SAMMSON: variants seen among roughly 807,000 people sequenced by gnomAD.
SAMMSON encodes long intergenic non-protein coding RNA 1212.
intron 4 of SAMMSON, among the ~76,000 whole-genome samples, chr3:70,209,961 C>T (rs930588123): frequency 2.0e-5 from 3 of 152,058 alleles, no homozygotes; most frequent in African/African-American, 4.8e-5. Context: ...TGATAGATAA[C>T]GAGACCTTGA....
chr3:70,276,172 G>A (rs1420230690), intron 6 of SAMMSON, among the ~76,000 whole-genome samples: 1 of 151,938 alleles, frequency 6.6e-6, no homozygotes, highest in Non-Finnish European at 1.5e-5. Flanking sequence ...ATAATGTTAG[G>A]TATATAGCAG....
intron 7 of SAMMSON, among the ~76,000 whole-genome samples, chr3:70,344,443 T>C (rs1035052549): frequency 6.6e-6 from 1 of 151,976 alleles, no homozygotes; most frequent in Non-Finnish European, 1.5e-5. Context: ...TCCCCATCCA[T>C]CCCACTGACA....
chr3:70,129,951 C>T (rs568977326), intron 4 of SAMMSON, among the ~76,000 whole-genome samples: 64 of 152,244 alleles, frequency 4.2e-4, no homozygotes, highest in African/African-American at 1.4e-3. Flanking sequence ...TTACTATACT[C>T]GAGCAAATTA....
At chr3:70,014,305 C>G (rs899321020) in intron 3 of SAMMSON, 1 of 152,130 alleles carries the variant, frequency 6.6e-6, no homozygotes, top group African/African-American at 2.4e-5. Context: ...TCACCTACCC[C>G]CAAGACATGG....
intron 7 of SAMMSON, among the ~76,000 whole-genome samples, chr3:70,347,014 T>A (rs186920145): frequency 5.9e-5 from 9 of 152,238 alleles, no homozygotes; most frequent in African/African-American, 2.2e-4. Flanking sequence ...TGATTACAGA[T>A]CTTAGCAGAA....
At chr3:70,240,683 A>G (rs1036762833) in intron 4 of SAMMSON, among the ~76,000 whole-genome samples, 2 of 152,108 alleles carry the variant, frequency 1.3e-5, no homozygotes, top group African/African-American at 4.8e-5. Context: ...TATAGTACCA[A>G]TCTGGTTTAT....
chr3:70,200,605 C>T (rs1701227701), intron 4 of SAMMSON, among the ~76,000 whole-genome samples: 1 of 152,174 alleles, frequency 6.6e-6, no homozygotes, highest in Non-Finnish European at 1.5e-5. Flanking sequence ...TCACAGCAAT[C>T]TGTTTTATTT....
chr3:70,100,676 T>C (rs1043057738), intron 4 of SAMMSON, among the ~76,000 whole-genome samples: 3 of 152,192 alleles, frequency 2.0e-5, no homozygotes, highest in Admixed American at 1.3e-4. Flanking sequence ...CTGAACGATA[T>C]GTTAATTTAC....
intron 4 of SAMMSON, among the ~76,000 whole-genome samples, chr3:70,216,688 A>C (rs1701415279): frequency 3.9e-5 from 6 of 152,094 alleles, no homozygotes; most frequent in Admixed American, 3.9e-4. Flanking sequence ...CTTATTGAAA[A>C]ACATACTCAG....
intron 2 of SAMMSON, among the ~76,000 whole-genome samples, chr3:70,424,108 G>A (rs531711416): frequency 6.6e-6 from 1 of 152,100 alleles, no homozygotes; most frequent in Non-Finnish European, 1.5e-5. Flanking sequence ...TACCTTAAAT[G>A]ATGTCAATAT....
intron 6 of SAMMSON, among the ~76,000 whole-genome samples, chr3:70,286,097 C>A (rs918490656): frequency 5.9e-5 from 9 of 152,134 alleles, no homozygotes; most frequent in African/African-American, 2.2e-4. Context: ...GTTTTGCTGC[C>A]ATTGCTTTTG....
At chr3:70,348,323 G>A (rs1046011525) in intron 7 of SAMMSON, among the ~76,000 whole-genome samples, 1 of 152,154 alleles carries the variant, frequency 6.6e-6, no homozygotes, top group African/African-American at 2.4e-5. Context: ...GCCCATTCAG[G>A]CTGCTATAGC....
chr3:70,280,048 C>G (rs1702065434), intron 6 of SAMMSON, among the ~76,000 whole-genome samples: 1 of 152,172 alleles, frequency 6.6e-6, no homozygotes, highest in South Asian at 2.1e-4. Flanking sequence ...TTCACTGGAG[C>G]AAAATCAAGG....
intron 7 of SAMMSON, among the ~76,000 whole-genome samples, chr3:70,304,037 C>G (rs1430325592): frequency 6.6e-6 from 1 of 152,100 alleles, no homozygotes; most frequent in African/African-American, 2.4e-5. Flanking sequence ...ACAATATAAA[C>G]TATATCTTTA....
chr3:70,216,314 T>C (rs1280848070), intron 4 of SAMMSON, among the ~76,000 whole-genome samples: 6 of 150,440 alleles, frequency 4.0e-5, no homozygotes, highest in African/African-American at 1.2e-4. Context: ...CATATTCTAA[T>C]TATAATTTAT....
At chr3:70,006,005 C>G (rs771266023) in intron 1 of SAMMSON, among the ~76,000 whole-genome samples, 10 of 151,978 alleles carry the variant, frequency 6.6e-5, no homozygotes, top group Non-Finnish European at 1.2e-4. Flanking sequence ...TGGTATTAGC[C>G]AATAAAAGAA....
chr3:70,399,038 G>T (rs976886609), intron 2 of SAMMSON, among the ~76,000 whole-genome samples: 5 of 152,168 alleles, frequency 3.3e-5, no homozygotes, highest in African/African-American at 9.7e-5. Context: ...GCATCTGAAA[G>T]CAAATACATG....
chr3:70,127,185 C>T (rs1290532592), intron 4 of SAMMSON: 5 of 152,158 alleles, frequency 3.3e-5, no homozygotes, highest in Admixed American at 6.5e-5. Flanking sequence ...AGCAAAGCTT[C>T]CCAAATAATG....
At position 70,108,441 on chromosome 3, in the gene SAMMSON, T is replaced by TTTTTTTTTTTTTTTA. The variant is rs1553715435; in HGVS notation, n.507+36876_507+36877insTTTTTTTTTTTTTTA. On this transcript the variant is annotated intron_variant and non_coding_transcript_variant, in intron 4 of 9. Transcript: ENST00000642114. ...GCGGTTCCTTTTTTTTTTTTTTTTT[T>TTTTTTTTTTTTTTTA]ATCATAACTCACCTAAGGAGCTGAG... Among the ~76,000 whole-genome samples, 23 of 146,402 alleles carry TTTTTTTTTTTTTTTA rather than the reference T, an allele frequency of 1.6e-4. 1 individual carries two copies. Among genetic ancestry groups the TTTTTTTTTTTTTTTA allele is most frequent in the African/African-American group, 5.5e-4 (21 of 38,520 alleles).
Sources: gnomAD v4.1 joint callset for allele counts (sites outside exome capture counted in the v4.1 genomes callset) on GRCh38, gnomAD v4.1.1 for gene constraint, MANE v1.5 for transcripts, NCBI Gene and HGNC (gene_info 2026-07-23, HGNC 2026-07-21) for gene names.